Variants in NPIPA1 observed in about 807,000 individuals in gnomAD.
NPIPA1 encodes the protein nuclear pore complex interacting protein family member A1, also known as nuclear pore complex-interacting protein family member A1.
For missense variants in NPIPA1, 22 were observed against 232.2 expected, an observed-to-expected ratio of 0.09 and a Z score of 5.88; for synonymous variants, 7 against 88.0, an observed-to-expected ratio of 0.08 and a Z score of 5.15.
At chr16:14,940,366 A>G (rs1244710075) in intron 1 of NPIPA1, among the ~76,000 whole-genome samples, 1 of 152,034 alleles carries the variant, frequency 6.6e-6, no homozygotes, top group East Asian at 1.9e-4. Flanking sequence ...GATATATAAT[A>G]AATGCATCCA....
chr16:14,946,970 G>A (rs1383096595), intron 4 of NPIPA1, among the ~76,000 whole-genome samples: 3 of 152,022 alleles, frequency 2.0e-5, no homozygotes, highest in Admixed American at 2.0e-4. Flanking sequence ...TGGGATTACA[G>A]GCGTGAGCCA....
chr16:14,947,294 A>T (rs1259778276), intron 4 of NPIPA1, among the ~76,000 whole-genome samples: 3 of 152,188 alleles, frequency 2.0e-5, no homozygotes, highest in Non-Finnish European at 4.4e-5. Context: ...GCTGCAGAAG[A>T]GATGGGAGTC....
intron 2 of NPIPA1, among the ~76,000 whole-genome samples, chr16:14,945,267 T>TGTGTGTGTGTGA (rs1349396254): frequency 1.8e-4 from 24 of 132,154 alleles, no homozygotes; most frequent in African/African-American, 6.5e-4. Context: ...TGTGTGTGTG[T>TGTGTGTGTGTGA]GAGACAGAGT....
intron 1 of NPIPA1, among the ~76,000 whole-genome samples, chr16:14,938,517 G>A (rs1308071984): frequency 1.4e-5 from 2 of 144,792 alleles, no homozygotes; most frequent in African/African-American, 2.6e-5. Context: ...GGGCATCATA[G>A]CGAAACCCCA....
At chr16:14,947,245 T>C (rs1238037692) in intron 4 of NPIPA1, among the ~76,000 whole-genome samples, 1 of 152,244 alleles carries the variant, frequency 6.6e-6, no homozygotes, top group African/African-American at 2.4e-5. Flanking sequence ...TGTTAAAAAA[T>C]ATTTAACAAT....
chr16:14,944,909 T>A (rs1340422333), intron 2 of NPIPA1, among the ~76,000 whole-genome samples: 1,823 of 106,502 alleles, frequency 0.017, no homozygotes, highest in Admixed American at 0.047. Context: ...TGGCCTATAT[T>A]TTTTTTTTTT....
chr16:14,938,808 G>C (rs1190651089), intron 1 of NPIPA1, among the ~76,000 whole-genome samples: 1 of 151,658 alleles, frequency 6.6e-6, no homozygotes, highest in Non-Finnish European at 1.5e-5. Flanking sequence ...GCAAGATCTC[G>C]GCTCACTGCA....
intron 1 of NPIPA1, among the ~76,000 whole-genome samples, chr16:14,938,664 T>C (rs1214374495): frequency 5.8e-4 from 84 of 144,552 alleles, no homozygotes; most frequent in Admixed American, 1.1e-3. Context: ...ATGGCCCCGC[T>C]GCACTCTTGT....
intron 2 of NPIPA1, among the ~76,000 whole-genome samples, chr16:14,943,153 T>C: frequency 1.3e-5 from 2 of 151,948 alleles, no homozygotes. Flanking sequence ...GCTTTTTTTT[T>C]TTTTTTTTCT....
At chr16:14,942,961 A>C (rs1200615085) in intron 2 of NPIPA1, among the ~76,000 whole-genome samples, 4 of 152,124 alleles carry the variant, frequency 2.6e-5, no homozygotes, top group Middle Eastern at 3.4e-3. Flanking sequence ...GCTTTTTGAT[A>C]TTCAAGGGAA....
chr16:14,947,682 G>A (rs1283890936), intron 4 of NPIPA1, among the ~76,000 whole-genome samples: 1 of 152,066 alleles, frequency 6.6e-6, no homozygotes, highest in Admixed American at 6.6e-5. Context: ...GCAATTTGAT[G>A]TATTCAATCA....
intron 1 of NPIPA1, among the ~76,000 whole-genome samples, chr16:14,939,991 G>A (rs2151075024): frequency 2.5e-5 from 1 of 40,678 alleles, no homozygotes; most frequent in African/African-American, 6.8e-5. Flanking sequence ...TACCTCCCAG[G>A]TTCAAGTGAT....
At chr16:14,947,173 G>C (rs1253785592) in intron 4 of NPIPA1, among the ~76,000 whole-genome samples, 1 of 152,250 alleles carries the variant, frequency 6.6e-6, no homozygotes, top group Non-Finnish European at 1.5e-5. Context: ...TCATGTTTTG[G>C]TCATACTACA....
chr16:14,937,928 T>G (rs1232757634), intron 1 of NPIPA1, among the ~76,000 whole-genome samples: 1 of 146,952 alleles, frequency 6.8e-6, no homozygotes, highest in African/African-American at 2.5e-5. Flanking sequence ...GCTTCCCTGA[T>G]CTTCTCCGTG....
At chr16:14,946,883 C>T (rs1458139185) in intron 4 of NPIPA1, among the ~76,000 whole-genome samples, 4 of 152,262 alleles carry the variant, frequency 2.6e-5, no homozygotes, top group East Asian at 1.9e-4. Flanking sequence ...TTAGTAGAGG[C>T]GGGGTTTCAC....
intron 2 of NPIPA1, among the ~76,000 whole-genome samples, chr16:14,942,832 C>T (rs1266733724): frequency 6.6e-6 from 1 of 152,268 alleles, no homozygotes; most frequent in African/African-American, 2.4e-5. Context: ...GCCTTTTTTC[C>T]TTTGGGTAAG....
At chr16:14,948,578 A>G (rs1489127607) in intron 4 of NPIPA1, among the ~76,000 whole-genome samples, 1 of 151,878 alleles carries the variant, frequency 6.6e-6, no homozygotes, top group Non-Finnish European at 1.5e-5. Flanking sequence ...GGTTTTTCAC[A>G]CTGAACTAAA....
chr16:14,947,784 T>C (rs1188404137), intron 4 of NPIPA1, among the ~76,000 whole-genome samples: 1 of 152,242 alleles, frequency 6.6e-6, no homozygotes, highest in Non-Finnish European at 1.5e-5. Flanking sequence ...GTAGAATGCT[T>C]CCTTAGCCTC....
chr16:14,941,264 A>C (rs2151076551), intron 1 of NPIPA1, among the ~76,000 whole-genome samples: 1 of 140,864 alleles, frequency 7.1e-6, no homozygotes, highest in Non-Finnish European at 1.5e-5. Context: ...GTGAAACCTC[A>C]TCTCTACTAA....
Sources: allele counts gnomAD v4.1 joint callset (sites outside exome capture counted in the v4.1 genomes callset), GRCh38; gene constraint gnomAD v4.1.1; transcripts MANE v1.5; gene names NCBI Gene and HGNC (gene_info 2026-07-23, HGNC 2026-07-21).